The following SLC43A2 variants were observed in gnomAD, a reference collection of about 807,000 sequenced individuals.
SLC43A2 encodes the protein large neutral amino acids transporter small subunit 4.
A neutral mutation model predicts 63.2 loss-of-function variants in SLC43A2; 38 were observed. The observed-to-expected ratio is 0.60, with a 90% CI of 0.46 to 0.79. The LOEUF is 0.79. SLC43A2 is among the 30% of genes least tolerant of loss of function. The pLI is 0.00. For missense variants in SLC43A2, 644 were observed against 756.2 expected, an observed-to-expected ratio of 0.85 and a Z score of 1.74; for synonymous variants, 322 against 331.0, an observed-to-expected ratio of 0.97 and a Z score of 0.30.
At chr17:1,603,665 A>G (rs779035869) in intron 5 of SLC43A2, among the ~76,000 whole-genome samples, 7 of 152,026 alleles carry the variant, frequency 4.6e-5, no homozygotes, top group Non-Finnish European at 7.4e-5. Context: ...TGCACCTGTA[A>G]TCCCAGCTAC....
At chr17:1,584,680 C>T (rs969368752) in intron 10 of SLC43A2, among the ~76,000 whole-genome samples, 5 of 151,664 alleles carry the variant, frequency 3.3e-5, no homozygotes, top group African/African-American at 9.7e-5. Context: ...ATTAGCCGGG[C>T]GTGGTGGCGG....
rs1179749997 is a variant in SLC43A2, at chr17:1,590,930, TGCATGAAGGAGGG to T, written c.937_949del (p.Pro313ThrfsTer29). 5.8e-6 allele frequency: 9 copies of T among 1,550,790 alleles called. No homozygotes were observed. Among genetic ancestry groups the T allele is most frequent in the Non-Finnish European group, 7.0e-6 (8 of 1,147,174 alleles). ...CAGCAGGATGGGGCTGAACACGCTGTGCATGAAGGAGGGGGCCACTGCAGGGAGAGGGTGCGGG... is the reference window on the plus strand; with the variant it reads ...CAGCAGGATGGGGCTGAACACGCTGTGGCCACTGCAGGGAGAGGGTGCGGG... On this transcript the variant is annotated frameshift_variant, in exon 9 of 14. Coordinates refer to ENST00000301335, the MANE Select transcript of SLC43A2 (RefSeq NM_152346.3). LOFTEE classifies it high-confidence loss of function.
chr17:1,622,771 G>A (rs955474899), intron 2 of SLC43A2, among the ~76,000 whole-genome samples: 13 of 151,376 alleles, frequency 8.6e-5, no homozygotes, highest in South Asian at 2.1e-4. Context: ...AAAATTAGCC[G>A]GGTGTGGTGG....
At position 1,622,519 on chromosome 17, in the gene SLC43A2, C is replaced by A. The variant is rs146562264; in HGVS notation, c.160+5196G>T. On this transcript the variant is annotated intron_variant, in intron 2 of 13. Coordinates refer to ENST00000301335, the MANE Select transcript of SLC43A2 (RefSeq NM_152346.3). Reference sequence around the variant, plus strand: ...GGCGGAGGTTGCGGTGAGCCGAGATCGCGCCACTGCACTCCAGCCTGGGCG... The same window carrying A: ...GGCGGAGGTTGCGGTGAGCCGAGATAGCGCCACTGCACTCCAGCCTGGGCG... Among the ~76,000 whole-genome samples, 1,177 of 150,900 alleles carry A rather than the reference C, an allele frequency of 7.8e-3. 83 individuals carry two copies. The East Asian group carries it at 0.17, about 22-fold the overall frequency.
At chr17:1,579,987 C>A (rs181829528) in intron 11 of SLC43A2, among the ~76,000 whole-genome samples, 1 of 151,438 alleles carries the variant, frequency 6.6e-6, no homozygotes, top group African/African-American at 2.4e-5. Context: ...GGCTGGAATG[C>A]AGTGGCACGG....
intron 5 of SLC43A2, among the ~76,000 whole-genome samples, chr17:1,598,616 C>A (rs1905559677): frequency 6.6e-6 from 1 of 152,118 alleles, no homozygotes; most frequent in Non-Finnish European, 1.5e-5. Flanking sequence ...AGAGAGCTTG[C>A]TAGCTAGGCA....
chr17:1,585,156 G>T (rs1046362400), intron 10 of SLC43A2: 1 of 988,578 alleles, frequency 1.0e-6, no homozygotes, highest in Admixed American at 5.9e-5. Context: ...AGGGAGGGTG[G>T]TCTTAGGAGC....
Position 1,572,263 on chromosome 17 carries a change from C to G in SLC43A2, c.*3341G>C, listed in dbSNP as rs922509677. The G allele has an allele frequency of 2.9e-5, 4 of 139,546 alleles. No homozygotes were observed. The highest frequency in any genetic ancestry group is 2.5e-4 in the East Asian group (1 of 4,012). 8.6% of individuals were successfully genotyped at this position (139,546 alleles called of 1,614,324 possible). On this transcript the variant is annotated 3_prime_UTR_variant, in exon 14 of 14. Transcript: ENST00000301335. Reference sequence around the variant, plus strand: ...CTGTGACCCCCCTGCCACAGAGGCCCCCCCCCCGCCACAGAGGTCCCCCCT... The same window carrying G: ...CTGTGACCCCCCTGCCACAGAGGCCGCCCCCCCGCCACAGAGGTCCCCCCT...
intron 3 of SLC43A2, 34 bp from the exon 4 acceptor site, chr17:1,615,068 A>G: frequency 6.2e-7 from 1 of 1,612,686 alleles, no homozygotes; most frequent in East Asian, 2.2e-5. Context: ...GTTATTTACC[A>G]TTATGACTTT....
At chr17:1,586,723 C>T (rs920036541) in intron 9 of SLC43A2, among the ~76,000 whole-genome samples, 8 of 152,164 alleles carry the variant, frequency 5.3e-5, no homozygotes, top group Admixed American at 2.6e-4. Flanking sequence ...AGAAAGGCAC[C>T]GCTCACGGGG....
intron 2 of SLC43A2, among the ~76,000 whole-genome samples, chr17:1,618,988 A>G (rs188388058): frequency 2.0e-4 from 30 of 152,008 alleles, no homozygotes; most frequent in African/African-American, 5.5e-4. Context: ...CTGTCTCAAA[A>G]AAAACAAAAA....
At chr17:1,624,844 T>C (rs912058866) in intron 2 of SLC43A2, among the ~76,000 whole-genome samples, 3 of 152,224 alleles carry the variant, frequency 2.0e-5, no homozygotes, top group Middle Eastern at 6.8e-3. Flanking sequence ...CGCAGTGAGC[T>C]GTGATTGCAA....
At chr17:1,591,979 G>C (rs1031761915) in intron 6 of SLC43A2, among the ~76,000 whole-genome samples, 1 of 152,238 alleles carries the variant, frequency 6.6e-6, no homozygotes, top group Non-Finnish European at 1.5e-5. Context: ...GGCACGTCTT[G>C]CAGGCTCATA....
rs1027765808 is a variant in SLC43A2 at position 1,622,916 on chromosome 17, A to AAAAAT, written c.160+4794_160+4798dup. ...GCGACAGAGTGAAACTCCATCTCAA[A>AAAAAT]AAAATAAAATAAAATAAAATACAAA... On this transcript the variant is annotated intron_variant, in intron 2 of 13. Coordinates refer to ENST00000301335, the MANE Select transcript of SLC43A2 (RefSeq NM_152346.3). 5.3e-5 allele frequency among the ~76,000 whole-genome samples: 8 copies of AAAAAT among 151,146 alleles called. No individual in the cohort carries two copies. In the East Asian group the frequency reaches 1.2e-3, roughly 22 times the overall value.
In SLC43A2 at chr17:1,591,006, G is replaced by A. The variant is rs1390759509; in HGVS notation, c.932-58C>T. 3.9e-6 allele frequency: 6 copies of A among 1,526,404 alleles called. No individual in the cohort carries two copies. In the East Asian group the frequency reaches 7.4e-5, roughly 19 times the overall value. The allele number at this position is 1,526,404 out of a possible 1,614,324, so 94.6% of individuals were successfully genotyped here. A position where few individuals can be genotyped will look rare whatever the true frequency, so the allele number is the denominator to read the frequency against. On this transcript the variant is annotated intron_variant, in intron 8 of 13. Transcript: ENST00000301335. ...GGCACACTGTCCCCACCACCGGGGGGACACGCAGATCCCTCCACGCTGGAG... is the reference window on the plus strand; with the variant it reads ...GGCACACTGTCCCCACCACCGGGGGAACACGCAGATCCCTCCACGCTGGAG...
chr17:1,627,651 C>CCT, intron 2 of SLC43A2, 64 bp downstream of exon 2: 1 of 686,278 alleles, frequency 1.5e-6, no homozygotes, highest in African/African-American at 1.8e-5. Flanking sequence ...TCTTCGCCCC[C>CCT]ATCCCGCCCC....
rs550331789 is a variant in SLC43A2, at chr17:1,583,672, C to T, written c.1218-336G>A. 3.2e-5 allele frequency: 8 copies of T among 248,848 alleles called. No individual in the cohort carries two copies. Among genetic ancestry groups the T allele is most frequent in the Non-Finnish European group, 6.3e-5 (8 of 126,678 alleles). 15.4% of individuals were successfully genotyped at this position (248,848 alleles called of 1,614,324 possible). A position where few individuals can be genotyped will look rare whatever the true frequency, so the allele number is the denominator to read the frequency against. On this transcript the variant is annotated intron_variant, in intron 10 of 13. Transcript: ENST00000301335. The surrounding 1 kb of genome is among the most constrained non-coding windows in gnomAD (Gnocchi z 5.5). ...GGCACATGGCAAAGCCTCACTTCAC[C>T]ACTGGCTTCAAGTTCACCCAAATCT...
intron 9 of SLC43A2, among the ~76,000 whole-genome samples, chr17:1,589,818 A>G (rs567263860): frequency 9.2e-5 from 14 of 152,100 alleles, no homozygotes; most frequent in Admixed American, 6.6e-5. Context: ...TGGGGGTTTC[A>G]CAATCTTGGC....
At chr17:1,628,605 C>T (rs1908912060) in intron 1 of SLC43A2, among the ~76,000 whole-genome samples, 189 bp downstream of exon 1, 2 of 152,202 alleles carry the variant, frequency 1.3e-5, no homozygotes, top group Non-Finnish European at 2.9e-5. Flanking sequence ...GCAACTCGCC[C>T]GTTTCCATGG....
Sources: allele counts gnomAD v4.1 joint callset (sites outside exome capture counted in the v4.1 genomes callset), GRCh38; gene constraint gnomAD v4.1.1; non-coding constraint Gnocchi (gnomAD v3.1); transcripts MANE v1.5; gene names NCBI Gene and HGNC (gene_info 2026-07-23, HGNC 2026-07-21).